The following OSBP2 variants were observed in gnomAD, a reference collection of about 807,000 sequenced individuals.
The protein encoded by OSBP2 is oxysterol binding protein 2.
A neutral mutation model predicts 96.0 loss-of-function variants in OSBP2; 66 were observed. The ratio of observed to expected loss-of-function variants is 0.69; its 90% CI spans 0.56 to 0.84. OSBP2 has a LOEUF of 0.84. OSBP2 is among the 40% of genes least tolerant of loss of function. OSBP2 has a pLI of 0.00. For synonymous variants in OSBP2, 525 were observed against 520.9 expected, an observed-to-expected ratio of 1.01 and a Z score of -0.11; for missense variants, 1,038 against 1,222.7, an observed-to-expected ratio of 0.85 and a Z score of 2.25.
chr22:30,822,420 G>T, intron 2 of OSBP2: 3 of 961,166 alleles, frequency 3.1e-6, no homozygotes, highest in Middle Eastern at 7.4e-4. Context: ...CGCTCAGGCT[G>T]GGCTCGGCTC....
chr22:30,748,425 T>C (rs1480197006), intron 2 of OSBP2, among the ~76,000 whole-genome samples: 1 of 152,202 alleles, frequency 6.6e-6, no homozygotes, highest in Non-Finnish European at 1.5e-5. Context: ...ATTGTTCATC[T>C]CCTCAATAGA....
At chr22:30,832,477 G>T (rs2038544881) in intron 2 of OSBP2, among the ~76,000 whole-genome samples, 1 of 151,712 alleles carries the variant, frequency 6.6e-6, no homozygotes, top group South Asian at 2.1e-4. Context: ...TTCCTGTAAA[G>T]ATGGGGTTTT....
chr22:30,870,336 G>A lies in OSBP2; in HGVS notation c.854-93G>A, dbSNP rs1245951448. ...CGGGGACTGATGTTTTTTGAATGGC[G>A]CTATCCACCCTGCCCTGCTCGGCCT... On this transcript the variant is annotated intron_variant, in intron 2 of 13. Transcript: ENST00000332585. This position sits in a 1 kb window ranked among gnomAD's most constrained non-coding sequence, Gnocchi z 4.1. The A allele has an allele frequency of 6.1e-6, 8 of 1,315,430 alleles. No homozygotes were observed. The highest frequency in any genetic ancestry group is 5.2e-5 in the South Asian group (4 of 76,278). 81.5% of individuals were successfully genotyped at this position (1,315,430 alleles called of 1,614,324 possible).
intron 2 of OSBP2, among the ~76,000 whole-genome samples, chr22:30,811,734 T>C (rs187841959): frequency 1.9e-3 from 285 of 152,108 alleles, no homozygotes; most frequent in Admixed American, 6.0e-3. Context: ...TTTGTGTTTT[T>C]AGTAGAGACG....
intron 4 of OSBP2, among the ~76,000 whole-genome samples, chr22:30,887,857 C>T (rs1014931055): frequency 1.3e-5 from 2 of 152,206 alleles, no homozygotes; most frequent in African/African-American, 4.8e-5. Flanking sequence ...CCAGCTGTCC[C>T]CTGTGTGACA....
chr22:30,865,811 C>G (rs777219858), intron 2 of OSBP2, among the ~76,000 whole-genome samples: 2 of 152,118 alleles, frequency 1.3e-5, no homozygotes, highest in Admixed American at 6.5e-5. Context: ...GGTGTAAGGA[C>G]CAGCACACTT....
intron 2 of OSBP2, among the ~76,000 whole-genome samples, chr22:30,832,228 A>G (rs2038536763): frequency 6.6e-6 from 1 of 151,994 alleles, no homozygotes; most frequent in Non-Finnish European, 1.5e-5. Flanking sequence ...TGTATCCAGA[A>G]TTGATTTCTG....
intron 2 of OSBP2, among the ~76,000 whole-genome samples, chr22:30,749,517 C>G (rs1436597072): frequency 6.6e-6 from 1 of 152,088 alleles, no homozygotes; most frequent in Non-Finnish European, 1.5e-5. Flanking sequence ...TGACATTTGG[C>G]CGGAGAAAGG....
chr22:30,747,425 G>A (rs771726756), intron 2 of OSBP2, among the ~76,000 whole-genome samples: 41 of 152,142 alleles, frequency 2.7e-4, no homozygotes, highest in Non-Finnish European at 4.9e-4. Flanking sequence ...AGGTTGCACT[G>A]AACCATGTTC....
chr22:30,898,386 G>A (rs765523317), intron 12 of OSBP2, among the ~76,000 whole-genome samples: 5 of 152,086 alleles, frequency 3.3e-5, no homozygotes, highest in Non-Finnish European at 5.9e-5. Flanking sequence ...AGACGTGGTG[G>A]TTCATGCCTA....
rs528187716 is a variant in OSBP2, at chr22:30,819,528, G to C, written c.854-50901G>C. Among the ~76,000 whole-genome samples, 4 of 152,324 alleles carry C rather than the reference G, an allele frequency of 2.6e-5. No individual in the cohort carries two copies. The South Asian group carries it at 6.2e-4, about 24-fold the overall frequency. On this transcript the variant is annotated intron_variant, in intron 2 of 13. Coordinates refer to ENST00000332585, the MANE Select transcript of OSBP2 (RefSeq NM_030758.4). ...AAACTAATTCAACTAAGACTTTGCAGCTAATATATTTTCTTTAAGGACGAG... is the reference window on the plus strand; with the variant it reads ...AAACTAATTCAACTAAGACTTTGCACCTAATATATTTTCTTTAAGGACGAG...
At chr22:30,720,417 G>A in intron 1 of OSBP2, among the ~76,000 whole-genome samples, 1 of 152,122 alleles carries the variant, frequency 6.6e-6, no homozygotes. Flanking sequence ...ATTGGCAGGA[G>A]GCCTCAGTTC....
At chr22:30,859,217 G>T (rs2039154839) in intron 2 of OSBP2, among the ~76,000 whole-genome samples, 1 of 152,314 alleles carries the variant, frequency 6.6e-6, no homozygotes, top group East Asian at 1.9e-4. Context: ...CCAGGAAAGT[G>T]TCATCCCATC....
intron 2 of OSBP2, among the ~76,000 whole-genome samples, chr22:30,777,064 G>GA: frequency 6.6e-6 from 1 of 152,324 alleles, no homozygotes; most frequent in Middle Eastern, 3.4e-3. Flanking sequence ...ATTTGCTTTG[G>GA]ATTTTACAGG....
In OSBP2 at chr22:30,881,584, G is replaced by A. The variant is rs945867133; in HGVS notation, c.1108-5842G>A. 3.4e-6 allele frequency: 4 copies of A among 1,163,190 alleles called. No individual in the cohort carries two copies. Among genetic ancestry groups the A allele is most frequent in the African/African-American group, 3.2e-5 (2 of 62,694 alleles). The allele number at this position is 1,163,190 out of a possible 1,614,324, so 72.1% of individuals were successfully genotyped here. Reference sequence around the variant, plus strand: ...TTCAGGCCTGGGCTGGGTCAGCCAGGCCCTCCCTGGGCCCCTGGGAACCTC... The same window carrying A: ...TTCAGGCCTGGGCTGGGTCAGCCAGACCCTCCCTGGGCCCCTGGGAACCTC... On this transcript the variant is annotated intron_variant, in intron 3 of 13. Transcript: ENST00000332585. This position sits in a 1 kb window ranked among gnomAD's most constrained non-coding sequence, Gnocchi z 4.5.
At chr22:30,695,867 T>C (rs2089021715) in intron 1 of OSBP2, among the ~76,000 whole-genome samples, 1 of 152,116 alleles carries the variant, frequency 6.6e-6, no homozygotes, top group Non-Finnish European at 1.5e-5. Flanking sequence ...TTGGGGCAGC[T>C]AGCTAGAGTC....
chr22:30,746,188 G>A (rs569269970), intron 2 of OSBP2, among the ~76,000 whole-genome samples: 2 of 152,102 alleles, frequency 1.3e-5, no homozygotes, highest in Non-Finnish European at 2.9e-5. Flanking sequence ...GGAGGCCTAG[G>A]AGGGAGGATC....
At chr22:30,733,021 C>T (rs1275853811) in intron 1 of OSBP2, among the ~76,000 whole-genome samples, 1 of 152,198 alleles carries the variant, frequency 6.6e-6, no homozygotes, top group Non-Finnish European at 1.5e-5. Context: ...GGAGGCACTA[C>T]AGGCAGGGAA....
intron 1 of OSBP2, among the ~76,000 whole-genome samples, chr22:30,729,630 T>G (rs750364808): frequency 1.3e-5 from 2 of 152,020 alleles, no homozygotes; most frequent in Non-Finnish European, 2.9e-5. Context: ...AGAGAGAGAT[T>G]CTATCTCAAA....
Sources: allele counts gnomAD v4.1 joint callset (sites outside exome capture counted in the v4.1 genomes callset), GRCh38; gene constraint gnomAD v4.1.1; non-coding constraint Gnocchi (gnomAD v3.1); transcripts MANE v1.5; gene names NCBI Gene and HGNC (gene_info 2026-07-23, HGNC 2026-07-21).